ZNF678: variants seen among roughly 807,000 people sequenced by gnomAD.
The protein encoded by ZNF678 is hypothetical protein MGC42493.
Under a neutral mutation model 3.0 loss-of-function variants are expected in ZNF678, and 5 were observed. The ratio of observed to expected loss-of-function variants is 1.69; its 90% CI spans 0.88 to 3.56. ZNF678 has a LOEUF of 3.56. Ranked by LOEUF, ZNF678 falls within the 30% of genes most tolerant of loss-of-function variation. ZNF678 has a pLI of 0.00. For missense variants in ZNF678, 593 were observed against 605.0 expected (o/e 0.98, Z 0.21); for synonymous variants, 218 against 199.6 (o/e 1.09, Z -0.78).
intron 1 of ZNF678, among the ~76,000 whole-genome samples, chr1:227,609,733 CT>C (rs1002403051): frequency 2.9e-4 from 43 of 146,976 alleles, no homozygotes; most frequent in African/African-American, 5.7e-4. Flanking sequence ...ATTTCCTTCA[CT>C]TTTTTTTTTT....
intron 3 of ZNF678, among the ~76,000 whole-genome samples, chr1:227,651,994 A>G (rs1266348353): frequency 6.6e-6 from 1 of 152,108 alleles, no homozygotes; most frequent in East Asian, 1.9e-4. Context: ...ATATGGTTTC[A>G]CTTTCCATTT....
At chr1:227,590,399 G>A (rs1288552486) in intron 1 of ZNF678, among the ~76,000 whole-genome samples, 3 of 151,630 alleles carry the variant, frequency 2.0e-5, no homozygotes, top group Non-Finnish European at 4.4e-5. Flanking sequence ...GTTTCTTGCC[G>A]GGCCAGAACA....
intron 1 of ZNF678, among the ~76,000 whole-genome samples, chr1:227,625,146 T>G (rs1278260146): frequency 6.6e-6 from 1 of 152,186 alleles, no homozygotes; most frequent in Non-Finnish European, 1.5e-5. Flanking sequence ...GTGAGCTCTC[T>G]TTACTACCTA....
chr1:227,655,049 T>C lies in ZNF678; in HGVS notation c.799T>C (p.Cys267Arg). 1 of 1,612,132 alleles carries C rather than the reference T, an allele frequency of 6.2e-7. No homozygotes were observed. Among genetic ancestry groups the C allele is most frequent in the Non-Finnish European group, 8.5e-7 (1 of 1,179,298 alleles). Reference protein sequence around the residue: ...RIHTGEKPYKCEECGNVFNEC... With the variant: ...RIHTGEKPYKREECGNVFNEC... ...TCATACTGGAGAGAAACCTTACAAG[T>C]GTGAAGAATGTGGCAACGTTTTTAA... Residue 267 changes from cysteine (C) to arginine (R), a missense_variant, in exon 4 of 4, where the codon TGT becomes CGT. Transcript: ENST00000343776.
chr1:227,580,537 A>G (rs1319368771), intron 1 of ZNF678, among the ~76,000 whole-genome samples: 2 of 152,102 alleles, frequency 1.3e-5, no homozygotes, highest in East Asian at 1.9e-4. Context: ...GGCTTCCTTG[A>G]GTCTCTAGTC....
chr1:227,654,740 T>C lies in ZNF678; in HGVS notation c.490T>C (p.Trp164Arg), dbSNP rs1659176984. ...TGACGAATGTGGCAAAGTTTTTAAT[T>C]GGTGGTCACAACTAACTAACCATAA... Reference protein sequence around the residue: ...KCDECGKVFNWWSQLTNHKKI... With the variant: ...KCDECGKVFNRWSQLTNHKKI... The change falls in exon 4 of 4, where the codon TGG becomes CGG. Residue 164 changes from tryptophan (W) to arginine (R), a missense_variant. Physicochemically the swap from Trp to Arg is moderately radical, Grantham distance 101. Transcript: ENST00000343776. 2 of 1,610,524 alleles carry C rather than the reference T, an allele frequency of 1.2e-6. No individual in the cohort carries two copies. Among genetic ancestry groups the C allele is most frequent in the East Asian group, 4.5e-5 (2 of 44,586 alleles).
chr1:227,626,051 G>A (rs970047484), intron 1 of ZNF678, among the ~76,000 whole-genome samples: 4 of 152,150 alleles, frequency 2.6e-5, no homozygotes, highest in African/African-American at 9.7e-5. Flanking sequence ...ATTCTCCCTA[G>A]AAGCTCTTCC....
chr1:227,603,129 C>T (rs764471366), intron 1 of ZNF678, among the ~76,000 whole-genome samples: 29 of 152,290 alleles, frequency 1.9e-4, no homozygotes, highest in East Asian at 3.9e-4. Context: ...AGCATCTCCA[C>T]GTGTGAATGA....
chr1:227,594,013 A>G (rs114522591), intron 1 of ZNF678, among the ~76,000 whole-genome samples: 2,082 of 152,114 alleles, frequency 0.014, 53 homozygotes, highest in African/African-American at 0.047. Context: ...CGGAAATTCT[A>G]GGGGTGGTAC....
At chr1:227,598,515 G>C in intron 1 of ZNF678, 1 of 1,316,624 alleles carries the variant, frequency 7.6e-7, no homozygotes, top group Admixed American at 2.6e-5. Context: ...TTTTTCTGTT[G>C]CTTTTTCTCA....
chr1:227,579,547 A>G (rs992868289), intron 1 of ZNF678, among the ~76,000 whole-genome samples: 9 of 152,172 alleles, frequency 5.9e-5, no homozygotes, highest in Admixed American at 5.9e-4. Flanking sequence ...ATGCACCAGC[A>G]AAGTGATGTG....
downstream of ZNF678, among the ~76,000 whole-genome samples, chr1:227,666,377 A>G (rs182152699): frequency 5.3e-3 from 801 of 152,258 alleles, 7 homozygotes; most frequent in African/African-American, 0.018. Flanking sequence ...GCATTAATCT[A>G]TTGTGTCTGG....
intron 1 of ZNF678, among the ~76,000 whole-genome samples, chr1:227,566,036 C>T (rs1331486232): frequency 6.6e-6 from 1 of 152,190 alleles, no homozygotes; most frequent in African/African-American, 2.4e-5. Context: ...GCTGGGATTA[C>T]AGGCGTGAGC....
downstream of ZNF678, among the ~76,000 whole-genome samples, chr1:227,665,595 G>C (rs548196580): frequency 6.6e-6 from 1 of 152,344 alleles, no homozygotes; most frequent in African/African-American, 2.4e-5. Context: ...CATAAAGCCA[G>C]TAAATCCAAT....
chr1:227,679,255 G>A (rs1252959573), downstream of ZNF678, among the ~76,000 whole-genome samples: 1 of 152,122 alleles, frequency 6.6e-6, no homozygotes, highest in African/African-American at 2.4e-5. Flanking sequence ...CATTTTAAGG[G>A]AAGAGACCAC....
chr1:227,635,515 TTGTGTGTGTGTGTGTG>T lies in ZNF678; in HGVS notation c.-163-10995_-163-10980del, dbSNP rs56135481. Among the ~76,000 whole-genome samples, 231 of 128,006 alleles carry T rather than the reference TTGTGTGTGTGTGTGTG, an allele frequency of 1.8e-3. 1 individual carries two copies. Among genetic ancestry groups the T allele is most frequent in the African/African-American group, 4.9e-3 (164 of 33,662 alleles). 84.0% of individuals were successfully genotyped at this position (128,006 alleles called of 152,430 possible). A position where few individuals can be genotyped will look rare whatever the true frequency, so the allele number is the denominator to read the frequency against. Reference sequence around the variant, plus strand: ...TACCAGGTGAATTTAGGGTGAACATTTGTGTGTGTGTGTGTGTGTGTGTGTGTGTGTGTGTGTGTGT... The same window carrying T: ...TACCAGGTGAATTTAGGGTGAACATTTGTGTGTGTGTGTGTGTGTGTGTGT... On this transcript the variant is annotated intron_variant, in intron 1 of 3. Coordinates refer to ENST00000343776, the MANE Select transcript of ZNF678 (RefSeq NM_001367909.1).
chr1:227,661,705 A>G lies in ZNF678; in HGVS notation c.*5877A>G, dbSNP rs1659410253. On this transcript the variant is annotated 3_prime_UTR_variant, in exon 4 of 4. Coordinates refer to ENST00000343776, the MANE Select transcript of ZNF678 (RefSeq NM_001367909.1). ...CTCCAAGTCACAGCCAATAGGTGGC[A>G]GTCATCAGTGTGTCTTGGAAGGGAC... 1 of 152,196 alleles carries G rather than the reference A, an allele frequency of 6.6e-6. No homozygotes were observed. The highest frequency in any genetic ancestry group is 2.4e-5 in the African/African-American group (1 of 41,442). 9.4% of individuals were successfully genotyped at this position (152,196 alleles called of 1,614,324 possible). A position where few individuals can be genotyped will look rare whatever the true frequency, so the allele number is the denominator to read the frequency against.
At chr1:227,602,852 C>T (rs1395619490) in intron 1 of ZNF678, among the ~76,000 whole-genome samples, 1 of 152,106 alleles carries the variant, frequency 6.6e-6, no homozygotes, top group Non-Finnish European at 1.5e-5. Flanking sequence ...CTTTTTGATC[C>T]AGGCAGAGTT....
At chr1:227,587,633 C>T (rs966010170) in intron 1 of ZNF678, among the ~76,000 whole-genome samples, 2 of 152,046 alleles carry the variant, frequency 1.3e-5, no homozygotes, top group African/African-American at 4.8e-5. Context: ...GTTCTTACAC[C>T]TTCTAAACTG....
Sources: gnomAD v4.1 joint callset for allele counts (sites outside exome capture counted in the v4.1 genomes callset) on GRCh38, gnomAD v4.1.1 for gene constraint, MANE v1.5 for transcripts, NCBI Gene and HGNC (gene_info 2026-07-23, HGNC 2026-07-21) for gene names.